Variants in PID1 observed in about 807,000 individuals in gnomAD.
The protein encoded by PID1 is phosphotyrosine interaction domain containing 1, also known as PTB-containing, cubilin and LRP1-interacting protein.
In PID1, 10 loss-of-function variants were observed where a neutral mutation model predicts 19.1. That is an observed-to-expected ratio of 0.52 (90% CI 0.32 to 0.89). The LOEUF (loss-of-function observed/expected upper bound fraction) is 0.89. PID1 is among the 40% of genes least tolerant of loss of function. The pLI is 0.03. For synonymous variants in PID1, 130 were observed against 116.0 expected (o/e 1.12, Z -0.78); for missense variants, 248 against 285.3 (o/e 0.87, Z 0.94).
chr2:229,218,646 T>A (rs992056536), intron 1 of PID1, among the ~76,000 whole-genome samples: 5 of 152,162 alleles, frequency 3.3e-5, no homozygotes, highest in African/African-American at 1.2e-4. Context: ...AGAAAGTGCA[T>A]GAGCTCAGTC....
intron 1 of PID1, among the ~76,000 whole-genome samples, chr2:229,185,756 G>A (rs1043238834): frequency 2.6e-5 from 4 of 152,224 alleles, no homozygotes; most frequent in Admixed American, 2.6e-4. Flanking sequence ...CCCACAACAC[G>A]TGGGAATTGA....
rs910943615 is a variant in PID1 at position 229,072,717 on chromosome 2, G to C, written c.178-46609C>G. Among the ~76,000 whole-genome samples, 27 of 152,080 alleles carry C rather than the reference G, an allele frequency of 1.8e-4. 1 individual carries two copies. Among genetic ancestry groups the C allele is most frequent in the Non-Finnish European group, 2.9e-5 (2 of 68,026 alleles). ...TAAAAACATGTATTGTTACGTATTTGGCAGTTGTGCTTCGCTGTTTTCAAA... is the reference window on the plus strand; with the variant it reads ...TAAAAACATGTATTGTTACGTATTTCGCAGTTGTGCTTCGCTGTTTTCAAA... On this transcript the variant is annotated intron_variant, in intron 2 of 2. Transcript: ENST00000392055.
At chr2:229,031,674 C>A (rs1183337217) in intron 2 of PID1, among the ~76,000 whole-genome samples, 3 of 152,124 alleles carry the variant, frequency 2.0e-5, no homozygotes, top group African/African-American at 7.2e-5. Context: ...GGAAAGAATT[C>A]TTTAAATAGC....
At chr2:229,135,803 G>A (rs1689847689) in intron 2 of PID1, among the ~76,000 whole-genome samples, 1 of 152,180 alleles carries the variant, frequency 6.6e-6, no homozygotes, top group African/African-American at 2.4e-5. Context: ...GAGGGGAGAA[G>A]AGCAATCATG....
intron 1 of PID1, among the ~76,000 whole-genome samples, chr2:229,226,678 G>A (rs968325576): frequency 6.6e-6 from 1 of 152,170 alleles, no homozygotes; most frequent in African/African-American, 2.4e-5. Flanking sequence ...AGCCTGGAAG[G>A]ACTCGTGATA....
chr2:229,269,821 G>C (rs1690688126), intron 1 of PID1, among the ~76,000 whole-genome samples: 1 of 152,134 alleles, frequency 6.6e-6, no homozygotes, highest in African/African-American at 2.4e-5. Flanking sequence ...TGAGACCCTG[G>C]GGAACTGGTC....
At chr2:229,110,656 G>T (rs1695278943) in intron 2 of PID1, among the ~76,000 whole-genome samples, 1 of 152,118 alleles carries the variant, frequency 6.6e-6, no homozygotes, top group Non-Finnish European at 1.5e-5. Flanking sequence ...TGATGAAAAT[G>T]GTTAGATAAT....
chr2:229,145,575 A>T (rs1284286400), intron 2 of PID1, among the ~76,000 whole-genome samples: 1 of 152,158 alleles, frequency 6.6e-6, no homozygotes, highest in Non-Finnish European at 1.5e-5. Context: ...GGAAATCATA[A>T]GGGGAAAATA....
At chr2:229,225,273 C>T (rs1419942) in intron 1 of PID1, among the ~76,000 whole-genome samples, 150,674 of 152,242 alleles carry the variant, frequency 0.99, 74,572 homozygotes, top group East Asian at 1. Flanking sequence ...CTAATGTGTA[C>T]GGAAGTATTT....
At chr2:229,216,689 G>A (rs1164286887) in intron 1 of PID1, among the ~76,000 whole-genome samples, 1 of 152,096 alleles carries the variant, frequency 6.6e-6, no homozygotes, top group Non-Finnish European at 1.5e-5. Flanking sequence ...CTTCTCATAT[G>A]AGGAGGAAAT....
intron 1 of PID1, among the ~76,000 whole-genome samples, chr2:229,252,918 G>A (rs13030094): frequency 0.21 from 32,511 of 152,136 alleles, 4,158 homozygotes; most frequent in Non-Finnish European, 0.29. Context: ...GGGGTGCCAA[G>A]CTAACTAATG....
chr2:229,103,846 G>A (rs1695121466), intron 2 of PID1, among the ~76,000 whole-genome samples: 1 of 152,074 alleles, frequency 6.6e-6, no homozygotes, highest in African/African-American at 2.4e-5. Context: ...CAAAGTGTTG[G>A]GATTACAGTC....
At chr2:229,099,146 C>G (rs1296041574) in intron 2 of PID1, among the ~76,000 whole-genome samples, 1 of 152,108 alleles carries the variant, frequency 6.6e-6, no homozygotes, top group Non-Finnish European at 1.5e-5. Flanking sequence ...GACCAACATG[C>G]CCCTGAACCC....
chr2:229,069,139 G>GTTTT (rs71412190), intron 2 of PID1, among the ~76,000 whole-genome samples: 2 of 144,000 alleles, frequency 1.4e-5, no homozygotes, highest in Admixed American at 7.1e-5. Context: ...AACGAGAAGG[G>GTTTT]TTTTTGTGTG....
rs1553558552 is a variant in PID1 at position 229,065,729 on chromosome 2, A to AAG, written c.178-39622_178-39621insCT. Among the ~76,000 whole-genome samples the AAG allele has an allele frequency of 3.2e-4, 45 of 140,740 alleles. 1 individual carries two copies. The highest frequency in any genetic ancestry group is 1.3e-3 in the African/African-American group (45 of 35,848). The allele number at this position is 140,740 out of a possible 152,430, so 92.3% of individuals were successfully genotyped here. On this transcript the variant is annotated intron_variant, in intron 2 of 2. Transcript: ENST00000392055. ...GTGATTTACAAAAAAAAAAAAAAAA[A>AAG]AAACAGGTTGAAATTCAGAGATTTA...
intron 2 of PID1, among the ~76,000 whole-genome samples, chr2:229,046,396 G>T (rs1470750016): frequency 1.3e-4 from 15 of 119,918 alleles, no homozygotes; most frequent in Non-Finnish European, 1.7e-4. Context: ...GTGTGTGTGT[G>T]TGAGTCAGGA....
chr2:229,186,452 T>C (rs917445924), intron 1 of PID1, among the ~76,000 whole-genome samples: 1 of 152,156 alleles, frequency 6.6e-6, no homozygotes, highest in Non-Finnish European at 1.5e-5. Flanking sequence ...ATAAGAGCCC[T>C]GCTCCTATAG....
chr2:229,089,866 A>G (rs986259099), intron 2 of PID1, among the ~76,000 whole-genome samples: 22 of 152,352 alleles, frequency 1.4e-4, no homozygotes, highest in African/African-American at 5.0e-4. Flanking sequence ...TAAGTACTCC[A>G]TAGTAGATAA....
chr2:229,195,923 T>G (rs1393879476), intron 1 of PID1, among the ~76,000 whole-genome samples: 1 of 152,108 alleles, frequency 6.6e-6, no homozygotes, highest in Non-Finnish European at 1.5e-5. Context: ...AACCCACATT[T>G]CATTCTTTTC....
Sources: gnomAD v4.1 joint callset for allele counts (sites outside exome capture counted in the v4.1 genomes callset) on GRCh38, gnomAD v4.1.1 for gene constraint, MANE v1.5 for transcripts, NCBI Gene and HGNC (gene_info 2026-07-23, HGNC 2026-07-21) for gene names.